ATF6B: variants seen among roughly 807,000 people sequenced by gnomAD.
The protein encoded by ATF6B is cyclic AMP-dependent transcription factor ATF-6 beta.
In ATF6B, 50 loss-of-function variants were observed where a neutral mutation model predicts 83.5. The ratio of observed to expected loss-of-function variants is 0.60; its 90% CI spans 0.48 to 0.76. The LOEUF (loss-of-function observed/expected upper bound fraction) is 0.76, where lower values mean the gene tolerates loss of function less well. Ranked by LOEUF, ATF6B falls within the 30% of genes least tolerant of loss-of-function variation. The pLI, the probability that ATF6B is intolerant of heterozygous loss-of-function variation, is 0.00. For synonymous variants in ATF6B, 344 were observed against 362.8 expected (o/e 0.95, Z 0.59); for missense variants, 790 against 893.8 (o/e 0.88, Z 1.48).
rs975624473 is a variant in ATF6B, at chr6:32,124,242, C to A, written c.478+1875G>T. On this transcript the variant is annotated intron_variant, in intron 5 of 17. Transcript: ENST00000375203. ...GAATCAACATGTCCAACGCTGAATT[C>A]ATCATCTTCCCTGACCAGAAAGCCC... is the stretch of plus-strand genomic sequence containing the variant. 2.6e-5 allele frequency among the ~76,000 whole-genome samples: 4 copies of A among 152,266 alleles called. No individual in the cohort carries two copies. In the East Asian group the frequency reaches 7.7e-4, roughly 29 times the overall value.
chr6:32,127,029 C>T (rs1035661662), intron 4 of ATF6B, 74 bp downstream of exon 4: 108 of 1,289,420 alleles, frequency 8.4e-5, no homozygotes, highest in Non-Finnish European at 1.1e-4. Flanking sequence ...TAAATCATTT[C>T]TTTGTCACCC....
In ATF6B at chr6:32,117,376, G is replaced by A; in HGVS notation, c.1561C>T (p.Gln521Ter). The A allele has an allele frequency of 1.2e-6, 2 of 1,614,066 alleles. No homozygotes were observed. The highest frequency in any genetic ancestry group is 1.7e-6 in the Non-Finnish European group (2 of 1,179,998). Residue 521 changes from glutamine to a stop codon, truncating the protein, a stop_gained, in exon 14 of 18, where the codon CAG becomes TAG. Coordinates refer to ENST00000375203, the MANE Select transcript of ATF6B (RefSeq NM_004381.5). LOFTEE classifies it high-confidence loss of function. This position sits in a 1 kb window ranked among gnomAD's most constrained non-coding sequence, Gnocchi z 5.0. Reference protein sequence around the residue: ...RLADELSGWVQRHQRGRRKIP... With the variant: ...RLADELSGWV ...TTCCTCCGGCCTCTCTGGTGGCGCT[G>A]GACCCAGCCACTCAACTCGTCAGCA... is the stretch of plus-strand genomic sequence containing the variant.
chr6:32,115,533 G>T lies in ATF6B; in HGVS notation c.*206C>A, dbSNP rs1200384670. ...TCAAACAAAGAAGCCAGGACTGGGG[G>T]TTCACAGGAATGAGAGGAGCCCTAT... On this transcript the variant is annotated 3_prime_UTR_variant, in exon 18 of 18. Coordinates refer to ENST00000375203, the MANE Select transcript of ATF6B (RefSeq NM_004381.5). 1.1e-5 allele frequency: 5 copies of T among 466,902 alleles called. No homozygotes were observed. The highest frequency in any genetic ancestry group is 1.9e-5 in the Non-Finnish European group (5 of 267,916). The allele number at this position is 466,902 out of a possible 1,614,324, so 28.9% of individuals were successfully genotyped here.
rs893474227 is a variant in ATF6B, at chr6:32,116,881, C to T, written c.1686-66G>A. The T allele has an allele frequency of 1.7e-5, 26 of 1,574,490 alleles. No homozygotes were observed. The highest frequency in any genetic ancestry group is 8.1e-5 in the African/African-American group (6 of 73,942). ...CAATGCTCAGTTTCTACCAGGGAAG[C>T]GGGTAGGATGAGAGAAAAAGACAGG... On this transcript the variant is annotated intron_variant, in intron 15 of 17. Transcript: ENST00000375203. This position sits in a 1 kb window ranked among gnomAD's most constrained non-coding sequence, Gnocchi z 5.1.
Position 32,118,642 on chromosome 6 carries a change from C to T in ATF6B, c.1244+133G>A, listed in dbSNP as rs1781627650. ...GGAGCAGGAAGGGGCTGGCCAGACACATCATCGGTGCCAAGGACACCAGAA... is the reference window on the plus strand; with the variant it reads ...GGAGCAGGAAGGGGCTGGCCAGACATATCATCGGTGCCAAGGACACCAGAA... On this transcript the variant is annotated intron_variant, in intron 11 of 17. Coordinates refer to ENST00000375203, the MANE Select transcript of ATF6B (RefSeq NM_004381.5). The surrounding 1 kb of genome is among the most constrained non-coding windows in gnomAD (Gnocchi z 5.2). 2.4e-6 allele frequency: 2 copies of T among 841,226 alleles called. No homozygotes were observed. Among genetic ancestry groups the T allele is most frequent in the African/African-American group, 1.7e-5 (1 of 59,082 alleles). The allele number at this position is 841,226 out of a possible 1,614,324, so 52.1% of individuals were successfully genotyped here.
At position 32,117,473 on chromosome 6, in the gene ATF6B, G is replaced by T; in HGVS notation, c.1533-69C>A. The T allele has an allele frequency of 6.3e-7, 1 of 1,598,172 alleles. No homozygotes were observed. The highest frequency in any genetic ancestry group is 8.6e-7 in the Non-Finnish European group (1 of 1,169,020). Reference sequence around the variant, plus strand: ...TTCCCACCCTCCTTGCCCACCCACAGGAGTGAGGAGAGGGCAGGGAGCACT... The same window carrying T: ...TTCCCACCCTCCTTGCCCACCCACATGAGTGAGGAGAGGGCAGGGAGCACT... On this transcript the variant is annotated intron_variant, in intron 13 of 17. Coordinates refer to ENST00000375203, the MANE Select transcript of ATF6B (RefSeq NM_004381.5). This position sits in a 1 kb window ranked among gnomAD's most constrained non-coding sequence, Gnocchi z 5.0.
Position 32,127,773 on chromosome 6 carries a change from G to T in ATF6B, c.92-23C>A, listed in dbSNP as rs773768966. The T allele has an allele frequency of 1.9e-6, 3 of 1,613,166 alleles. No individual in the cohort carries two copies. In the East Asian group the frequency reaches 6.7e-5, roughly 36 times the overall value. On this transcript the variant is annotated intron_variant, in intron 1 of 17. Coordinates refer to ENST00000375203, the MANE Select transcript of ATF6B (RefSeq NM_004381.5). ...TGTCTGCAAGAAATGCTGAGCGTCG[G>T]GGGGTCGTTCGGTGGCCCCAGCCTA...
chr6:32,124,251 C>T (rs1781877291), intron 5 of ATF6B, among the ~76,000 whole-genome samples: 1 of 152,174 alleles, frequency 6.6e-6, no homozygotes, highest in South Asian at 2.1e-4. Context: ...TCATCATCTT[C>T]CCTGACCAGA....
Position 32,121,011 on chromosome 6 carries a change from G to A in ATF6B, c.678C>T (p.Gly226=), listed in dbSNP as rs1276074031. ...PSLGAVQISM[G]PSLDGSSGKA... ...TACCTGAGGAGCCATCAAGGGATGG[G>A]CCCATGCTGATCTGGACAGCTCCAA... The change falls in exon 7 of 18, where the codon GGC becomes GGT. Residue 226 remains glycine (G), a synonymous_variant. Coordinates refer to ENST00000375203, the MANE Select transcript of ATF6B (RefSeq NM_004381.5). 2.6e-6 allele frequency: 4 copies of A among 1,532,484 alleles called. No individual in the cohort carries two copies. The highest frequency in any genetic ancestry group is 3.5e-6 in the Non-Finnish European group (4 of 1,142,848). 94.9% of individuals were successfully genotyped at this position (1,532,484 alleles called of 1,614,324 possible). A position where few individuals can be genotyped will look rare whatever the true frequency, so the allele number is the denominator to read the frequency against.
At chr6:32,120,576 G>A (rs1422585703) in intron 8 of ATF6B, 195 bp downstream of exon 8, 2 of 533,720 alleles carry the variant, frequency 3.7e-6, no homozygotes, top group Non-Finnish European at 6.0e-6. Context: ...TCAGCCTCCC[G>A]AGGAGCTGGG....
chr6:32,117,895 T>C lies in ATF6B; in HGVS notation c.1388A>G (p.Glu463Gly). 6.3e-7 allele frequency: 1 copy of C among 1,578,440 alleles called. No homozygotes were observed. The highest frequency in any genetic ancestry group is 1.4e-5 in the African/African-American group (1 of 73,592). ...CTGGTCTGTGGGGCTGGGCTGGGGC[T>C]CCTTAGGGCCCTGGGAGGACCCCTG... ...PLQGSSQGPK[E>G]PQPSPTDQPS... is the part of the protein sequence containing the mutation. The change falls in exon 12 of 18, where the codon GAG (glutamate) becomes GGG (glycine). Residue 463 changes from glutamate to glycine, a missense_variant. Transcript: ENST00000375203. The surrounding 1 kb of genome is among the most constrained non-coding windows in gnomAD (Gnocchi z 5.0).
intron 5 of ATF6B, among the ~76,000 whole-genome samples, chr6:32,122,727 T>C (rs908980808): frequency 6.6e-6 from 1 of 150,784 alleles, no homozygotes; most frequent in Non-Finnish European, 1.5e-5. Flanking sequence ...CGGACGCCTG[T>C]AGTCCCAGCA....
intron 5 of ATF6B, among the ~76,000 whole-genome samples, chr6:32,122,876 C>T (rs1253123284): frequency 4.0e-5 from 6 of 150,096 alleles, no homozygotes; most frequent in South Asian, 2.1e-4. Context: ...CTTCCCTTCC[C>T]GGTCCTCCAG....
chr6:32,127,345 T>A, intron 3 of ATF6B, 97 bp downstream of exon 3: 1 of 1,424,076 alleles, frequency 7.0e-7, no homozygotes. Flanking sequence ...GGCACTTATG[T>A]AGAAGCGTGA....
At chr6:32,120,647 C>T in intron 8 of ATF6B, 124 bp downstream of exon 8, 4 of 1,228,612 alleles carry the variant, frequency 3.3e-6, no homozygotes, top group East Asian at 5.3e-5. Flanking sequence ...GACAAGGTTT[C>T]ACCACGTTGG....
rs1168027670 is a variant in ATF6B at position 32,127,971 on chromosome 6, C to T, written c.91+146G>A. ...AGTTCTTCCCTGACTTTTGTATCCC[C>T]CTTAATGCACAACGAGCCCCCTGCT... On this transcript the variant is annotated intron_variant, in intron 1 of 17. Coordinates refer to ENST00000375203, the MANE Select transcript of ATF6B (RefSeq NM_004381.5). 156 of 1,030,384 alleles carry T rather than the reference C, an allele frequency of 1.5e-4. 1 individual carries two copies. Among genetic ancestry groups the T allele is most frequent in the Non-Finnish European group, 4.3e-6 (3 of 696,848 alleles). The allele number at this position is 1,030,384 out of a possible 1,614,324, so 63.8% of individuals were successfully genotyped here.
Position 32,119,843 on chromosome 6 carries a change from G to A in ATF6B, c.947C>T (p.Ser316Phe). 3.1e-6 allele frequency: 5 copies of A among 1,614,108 alleles called. No homozygotes were observed. The highest frequency in any genetic ancestry group is 4.2e-6 in the Non-Finnish European group (5 of 1,180,020). Residue 316 changes from serine (S) to phenylalanine (F), a missense_variant, in exon 9 of 18, where the codon TCC becomes TTC. Ser to Phe is a radical substitution (Grantham distance 155). This residue lies in a region of ATF6B where 530 missense variants were observed against 632.6 expected (regional missense o/e 0.84). Transcript: ENST00000375203. The surrounding 1 kb of genome is among the most constrained non-coding windows in gnomAD (Gnocchi z 4.9). Reference sequence around the variant, plus strand: ...ACTTACATCCACTTCAGGCGGGCAGGAGTTTCCAGGCATAGGAGCGGGAAC... The same window carrying A: ...ACTTACATCCACTTCAGGCGGGCAGAAGTTTCCAGGCATAGGAGCGGGAAC... The part of the protein sequence containing the change: ...SIVPAPMPGN[S>F]CPPEVDAKLL...
Position 32,121,064 on chromosome 6 carries a change from G to C in ATF6B, c.625C>G (p.Leu209Val). 6.4e-7 allele frequency: 1 copy of C among 1,563,392 alleles called. No homozygotes were observed. Among genetic ancestry groups the C allele is most frequent in the Non-Finnish European group, 8.6e-7 (1 of 1,157,434 alleles). ...GAGGGGGCTGGGACATCCCACAGGA[G>C]GCATCCTGAAGGGGACAGGGACTCT... ...KTESLSPSGC[L>V]LWDVPAPSLG... The change falls in exon 7 of 18, where the codon CTC (leucine) becomes GTC (valine). Residue 209 changes from leucine (L) to valine (V), a missense_variant. Leu to Val is a conservative substitution (Grantham distance 32, BLOSUM62 1). Coordinates refer to ENST00000375203, the MANE Select transcript of ATF6B (RefSeq NM_004381.5).
Position 32,128,101 on chromosome 6 carries a change from C to G in ATF6B, c.91+16G>C, listed in dbSNP as rs370343935. On this transcript the variant is annotated intron_variant, in intron 1 of 17. Coordinates refer to ENST00000375203, the MANE Select transcript of ATF6B (RefSeq NM_004381.5). ...GGACAGTTTGCCACAGCCCTCTCCC[C>G]TCCCCGGTGCCTCACTCTGCAGACC... is the stretch of plus-strand genomic sequence containing the variant. The G allele has an allele frequency of 6.2e-7, 1 of 1,612,674 alleles. No homozygotes were observed. Among genetic ancestry groups the G allele is most frequent in the Non-Finnish European group, 8.5e-7 (1 of 1,179,918 alleles).
Sources: gnomAD v4.1 joint callset for allele counts (sites outside exome capture counted in the v4.1 genomes callset) on GRCh38, gnomAD v4.1.1 for gene constraint, gnomAD v4.1.1 regional missense constraint, Gnocchi (gnomAD v3.1) non-coding constraint, MANE v1.5 for transcripts, NCBI Gene and HGNC (gene_info 2026-07-23, HGNC 2026-07-21) for gene names.